Variants in KCND2 observed in about 807,000 individuals in gnomAD.
KCND2 encodes the protein potassium voltage-gated channel subfamily D member 2, also known as A-type voltage-gated potassium channel KCND2.
In KCND2, 16 loss-of-function variants were observed where a neutral mutation model predicts 54.4. The observed-to-expected ratio is 0.29, with a 90% confidence interval of 0.20 to 0.45. The LOEUF is 0.45. KCND2 is among the 20% of genes least tolerant of loss of function. The probability of loss-of-function intolerance (pLI) is 1.00; values close to 1 mark genes in which losing one functional copy is unlikely to be tolerated. For synonymous variants in KCND2, 317 were observed against 310.7 expected, an observed-to-expected ratio of 1.02 and a Z score of -0.21; for missense variants, 486 against 824.2, an observed-to-expected ratio of 0.59 and a Z score of 5.02.
At chr7:120,707,247 A>G (rs1185217290) in intron 1 of KCND2, among the ~76,000 whole-genome samples, 2 of 152,172 alleles carry the variant, frequency 1.3e-5, no homozygotes, top group East Asian at 1.9e-4. Flanking sequence ...GATACTTCCA[A>G]TGCCAGGTGA....
intron 1 of KCND2, among the ~76,000 whole-genome samples, chr7:120,631,481 G>T (rs1306563085): frequency 6.6e-6 from 1 of 152,060 alleles, no homozygotes; most frequent in Non-Finnish European, 1.5e-5. Flanking sequence ...CCAAGCTTTT[G>T]TATGAGCATT....
chr7:120,328,863 T>G (rs1563011078), intron 1 of KCND2, among the ~76,000 whole-genome samples: 1 of 152,172 alleles, frequency 6.6e-6, no homozygotes, highest in African/African-American at 2.4e-5. Context: ...TAAACATATA[T>G]TTAATAATGA....
intron 1 of KCND2, among the ~76,000 whole-genome samples, chr7:120,608,143 C>G (rs747271493): frequency 2.0e-5 from 3 of 151,598 alleles, no homozygotes; most frequent in Admixed American, 2.0e-4. Flanking sequence ...ATACTCTCAT[C>G]AAGTGTAATC....
At position 120,343,738 on chromosome 7, in the gene KCND2, A is replaced by C. The variant is rs186029719; in HGVS notation, c.1115+67991A>C. Among the ~76,000 whole-genome samples, 50 of 152,320 alleles carry C rather than the reference A, an allele frequency of 3.3e-4. 1 individual carries two copies. In the East Asian group the frequency reaches 6.2e-3, roughly 19 times the overall value. ...TAATTAAGAGGTTTATAGCAAATGCATTTATAATACTAAGTTCTACAGTTC... is the reference window on the plus strand; with the variant it reads ...TAATTAAGAGGTTTATAGCAAATGCCTTTATAATACTAAGTTCTACAGTTC... On this transcript the variant is annotated intron_variant, in intron 1 of 5. Coordinates refer to ENST00000331113, the MANE Select transcript of KCND2 (RefSeq NM_012281.3).
intron 1 of KCND2, among the ~76,000 whole-genome samples, chr7:120,711,701 C>T (rs2116068151): frequency 1.3e-5 from 2 of 152,222 alleles, no homozygotes; most frequent in Admixed American, 1.3e-4. Context: ...TATAGAAGTT[C>T]TGTTCAGGTT....
intron 1 of KCND2, among the ~76,000 whole-genome samples, chr7:120,287,958 A>G (rs1799371083): frequency 6.6e-6 from 1 of 152,176 alleles, no homozygotes; most frequent in South Asian, 2.1e-4. Context: ...TAAAAAACCA[A>G]TGCTTTATTG....
chr7:120,528,337 T>C (rs908442471), intron 1 of KCND2, among the ~76,000 whole-genome samples: 6 of 152,086 alleles, frequency 3.9e-5, no homozygotes, highest in African/African-American at 1.4e-4. Flanking sequence ...GTTACATATA[T>C]AGAAGAGTTT....
chr7:120,540,734 C>T (rs1446482512), intron 1 of KCND2, among the ~76,000 whole-genome samples: 1 of 151,926 alleles, frequency 6.6e-6, no homozygotes, highest in Non-Finnish European at 1.5e-5. Context: ...ATGGATAAGT[C>T]GATCAAAATA....
intron 1 of KCND2, among the ~76,000 whole-genome samples, chr7:120,723,259 T>C (rs1792691109): frequency 6.6e-6 from 1 of 152,212 alleles, no homozygotes; most frequent in Admixed American, 6.5e-5. Context: ...TTGATTTACT[T>C]GATGGACTAA....
chr7:120,463,948 C>CGATCGAT (rs1315238854), intron 1 of KCND2: 1 of 391,812 alleles, frequency 2.6e-6, no homozygotes, highest in African/African-American at 2.4e-5. Context: ...GATAGATCGA[C>CGATCGAT]AGATGGATAG....
chr7:120,700,200 A>G (rs962903904), intron 1 of KCND2, among the ~76,000 whole-genome samples: 2 of 152,226 alleles, frequency 1.3e-5, no homozygotes, highest in Non-Finnish European at 2.9e-5. Flanking sequence ...AGAACAGTAG[A>G]GTAGATGAGC....
intron 1 of KCND2, among the ~76,000 whole-genome samples, chr7:120,430,267 C>T (rs1801770298): frequency 1.3e-5 from 2 of 152,080 alleles, no homozygotes; most frequent in Non-Finnish European, 2.9e-5. Flanking sequence ...GTGTGCCTCC[C>T]TGGTGTCTCT....
At chr7:120,599,464 C>A (rs1792787974) in intron 1 of KCND2, among the ~76,000 whole-genome samples, 1 of 151,862 alleles carries the variant, frequency 6.6e-6, no homozygotes, top group Non-Finnish European at 1.5e-5. Flanking sequence ...TGCACGAATT[C>A]AGTATATTTC....
At chr7:120,649,064 G>C (rs539834784) in intron 1 of KCND2, among the ~76,000 whole-genome samples, 7 of 152,294 alleles carry the variant, frequency 4.6e-5, no homozygotes, top group African/African-American at 1.7e-4. Context: ...AGATCTTAAA[G>C]ATACACTAAT....
chr7:120,275,289 G>A lies in KCND2; in HGVS notation c.657G>A (p.Leu219=). Residue 219 remains leucine (L), a synonymous_variant, in exon 1 of 6, where the codon CTG becomes CTA. Coordinates refer to ENST00000331113, the MANE Select transcript of KCND2 (RefSeq NM_012281.3). ...CGSSPGHIKE[L]PCGERYAVAF... is the part of the protein sequence containing the mutation. ...CAAGCCCAGGTCACATTAAAGAACTGCCCTGTGGAGAGCGGTATGCTGTGG... is the reference window on the plus strand; with the variant it reads ...CAAGCCCAGGTCACATTAAAGAACTACCCTGTGGAGAGCGGTATGCTGTGG... The A allele has an allele frequency of 6.2e-7, 1 of 1,613,838 alleles. No individual in the cohort carries two copies. Among genetic ancestry groups the A allele is most frequent in the Non-Finnish European group, 8.5e-7 (1 of 1,179,972 alleles).
At position 120,747,663 on chromosome 7, in the gene KCND2, T is replaced by C. The variant is rs1285296510; in HGVS notation, c.1716-18T>C. ...TAAGTAAACAACTTACTTTCCTAAATATTTTTTTTTCTATCAGCCGATCCA... is the reference window on the plus strand; with the variant it reads ...TAAGTAAACAACTTACTTTCCTAAACATTTTTTTTTCTATCAGCCGATCCA... On this transcript the variant is annotated intron_variant, in intron 5 of 5. Transcript: ENST00000331113. 6.3e-7 allele frequency: 1 copy of C among 1,588,712 alleles called. No homozygotes were observed. The highest frequency in any genetic ancestry group is 8.6e-7 in the Non-Finnish European group (1 of 1,158,116).
chr7:120,654,787 G>C (rs1325661533), intron 1 of KCND2, among the ~76,000 whole-genome samples: 9 of 152,084 alleles, frequency 5.9e-5, no homozygotes, highest in African/African-American at 2.2e-4. Context: ...TTAGTGGATG[G>C]AGATATAGAT....
intron 1 of KCND2, among the ~76,000 whole-genome samples, chr7:120,527,328 T>C (rs1005413478): frequency 1.3e-5 from 2 of 152,076 alleles, no homozygotes; most frequent in Admixed American, 1.3e-4. Flanking sequence ...GGTTATATGT[T>C]TATAACTTCT....
At chr7:120,603,652 C>G (rs1294479210) in intron 1 of KCND2, among the ~76,000 whole-genome samples, 1 of 152,192 alleles carries the variant, frequency 6.6e-6, no homozygotes, top group Non-Finnish European at 1.5e-5. Context: ...TGGCTTTGAC[C>G]TCCTCCCCTG....
Sources: allele counts gnomAD v4.1 joint callset (sites outside exome capture counted in the v4.1 genomes callset), GRCh38; gene constraint gnomAD v4.1.1; transcripts MANE v1.5; gene names NCBI Gene and HGNC (gene_info 2026-07-23, HGNC 2026-07-21).